The following CHKA variants were observed in gnomAD, a reference collection of about 807,000 sequenced individuals.
CHKA encodes CHETK-alpha.
In CHKA, 34 loss-of-function variants were observed where a neutral mutation model predicts 60.1. The observed-to-expected ratio is 0.57, with a 90% confidence interval of 0.43 to 0.75. The LOEUF (loss-of-function observed/expected upper bound fraction) is 0.75, where lower values mean the gene tolerates loss of function less well. Ranked by LOEUF, CHKA falls within the 30% of genes least tolerant of loss-of-function variation. CHKA has a pLI of 0.00. For synonymous variants in CHKA, 217 were observed against 223.1 expected (o/e 0.97, Z 0.24); for missense variants, 563 against 561.3 (o/e 1.00, Z -0.03).
At chr11:68,110,791 A>G (rs1858103422) in intron 1 of CHKA, among the ~76,000 whole-genome samples, 1 of 152,022 alleles carries the variant, frequency 6.6e-6, no homozygotes, top group Non-Finnish European at 1.5e-5. Flanking sequence ...TATGGTCAGG[A>G]GTTCCGAGAC....
chr11:68,111,731 A>ACAACAAACCATTTGTTGTTT (rs554867562), intron 1 of CHKA, among the ~76,000 whole-genome samples: 105 of 152,234 alleles, frequency 6.9e-4, no homozygotes, highest in Non-Finnish European at 1.2e-3. Flanking sequence ...AATGTCTTTT[A>ACAACAAACCATTTGTTGTTT]CAACAAACCA....
chr11:68,110,276 A>C (rs533661049), intron 1 of CHKA, among the ~76,000 whole-genome samples: 1 of 152,220 alleles, frequency 6.6e-6, no homozygotes, highest in Non-Finnish European at 1.5e-5. Context: ...ACTAATAAGA[A>C]AAGGAAATTA....
chr11:68,072,737 A>G (rs946748969), intron 4 of CHKA, among the ~76,000 whole-genome samples: 1 of 152,016 alleles, frequency 6.6e-6, no homozygotes, highest in Non-Finnish European at 1.5e-5. Flanking sequence ...CACACCTGTA[A>G]TCCTGGTGAC....
At chr11:68,078,639 A>G (rs1197916458) in intron 3 of CHKA, among the ~76,000 whole-genome samples, 1 of 152,220 alleles carries the variant, frequency 6.6e-6, no homozygotes, top group Non-Finnish European at 1.5e-5. Context: ...ACTTCTTGAG[A>G]AGACATAACA....
intron 3 of CHKA, among the ~76,000 whole-genome samples, chr11:68,075,911 T>C (rs1856771339): frequency 6.6e-6 from 1 of 152,224 alleles, no homozygotes; most frequent in South Asian, 2.1e-4. Context: ...TGAAGCAATG[T>C]GCTGTGGAGG....
chr11:68,100,527 T>C (rs569570688), intron 1 of CHKA, among the ~76,000 whole-genome samples: 13 of 151,672 alleles, frequency 8.6e-5, no homozygotes, highest in African/African-American at 1.7e-4. Flanking sequence ...GAGGCAGAGA[T>C]TGCAGTGAGC....
intron 2 of CHKA, among the ~76,000 whole-genome samples, chr11:68,083,805 GC>G: frequency 6.6e-6 from 1 of 152,232 alleles, no homozygotes; most frequent in South Asian, 2.1e-4. Flanking sequence ...GCAATATCCA[GC>G]CCTCTGTTCT....
rs756627931 is a variant in CHKA, at chr11:68,070,767, GC to G, written c.720del (p.Met240IlefsTer18). 1.2e-6 allele frequency: 2 copies of G among 1,612,742 alleles called. No individual in the cohort carries two copies. The highest frequency in any genetic ancestry group is 1.7e-6 in the Non-Finnish European group (2 of 1,179,056). ...EKMATFHGMK[M>X]PFNKEPKWLF... Reference sequence around the variant, plus strand: ...AGCCATTTTGGTTCCTTATTGAATGGCATTTTCATACCATGAAATGTAGCCA... The same window carrying G: ...AGCCATTTTGGTTCCTTATTGAATGGATTTTCATACCATGAAATGTAGCCA... On this transcript the variant is annotated frameshift_variant, in exon 5 of 12. Coordinates refer to ENST00000265689, the MANE Select transcript of CHKA (RefSeq NM_001277.3). LOFTEE classifies it high-confidence loss of function.
intron 2 of CHKA, among the ~76,000 whole-genome samples, chr11:68,086,969 G>C (rs529665179): frequency 2.2e-4 from 31 of 143,418 alleles, no homozygotes; most frequent in Admixed American, 5.0e-4. Flanking sequence ...CTGGGCGACA[G>C]AGCGAGACTC....
At chr11:68,083,443 C>T (rs190055857) in intron 2 of CHKA, among the ~76,000 whole-genome samples, 164 of 152,252 alleles carry the variant, frequency 1.1e-3, no homozygotes, top group African/African-American at 3.8e-3. Context: ...AAGTTAGATA[C>T]TCTTCTGAAA....
intron 3 of CHKA, among the ~76,000 whole-genome samples, chr11:68,078,925 T>A (rs966373881): frequency 1.2e-4 from 18 of 152,022 alleles, no homozygotes; most frequent in African/African-American, 4.1e-4. Context: ...AGTTATTATT[T>A]TTTTTTTGGA....
At chr11:68,113,948 G>A (rs575971364) in intron 1 of CHKA, among the ~76,000 whole-genome samples, 3 of 150,530 alleles carry the variant, frequency 2.0e-5, no homozygotes, top group African/African-American at 7.3e-5. Flanking sequence ...CCGAGATCGC[G>A]CCATTGCACT....
intron 1 of CHKA, among the ~76,000 whole-genome samples, chr11:68,118,257 C>T (rs1858468695): frequency 6.6e-6 from 1 of 152,086 alleles, no homozygotes; most frequent in Non-Finnish European, 1.5e-5. Context: ...GCCTGGGCAA[C>T]ATGGCGAAAC....
chr11:68,118,392 G>A (rs1376086320), intron 1 of CHKA, among the ~76,000 whole-genome samples: 1 of 152,008 alleles, frequency 6.6e-6, no homozygotes, highest in African/African-American at 2.4e-5. Flanking sequence ...AGTGAGCTGT[G>A]ATCACACCAC....
chr11:68,098,371 T>C (rs951975876), intron 1 of CHKA, among the ~76,000 whole-genome samples: 1 of 152,042 alleles, frequency 6.6e-6, no homozygotes, highest in African/African-American at 2.4e-5. Context: ...CTACTCTCTA[T>C]AAACCTCTAT....
At chr11:68,104,844 C>A (rs1857854956) in intron 1 of CHKA, among the ~76,000 whole-genome samples, 1 of 152,088 alleles carries the variant, frequency 6.6e-6, no homozygotes, top group Admixed American at 6.5e-5. Context: ...GTGGCTCACG[C>A]CTGGAATCCC....
At chr11:68,083,439 G>T (rs557555467) in intron 2 of CHKA, among the ~76,000 whole-genome samples, 5 of 152,234 alleles carry the variant, frequency 3.3e-5, no homozygotes, top group African/African-American at 9.6e-5. Context: ...AAATAAGTTA[G>T]ATACTCTTCT....
At chr11:68,058,895 G>A (rs1433178054) in intron 11 of CHKA, among the ~76,000 whole-genome samples, 1 of 152,108 alleles carries the variant, frequency 6.6e-6, no homozygotes, top group Non-Finnish European at 1.5e-5. Flanking sequence ...TTGGCTGTGG[G>A]TTTTCCTTTT....
chr11:68,062,267 A>G (rs143942851), intron 10 of CHKA, among the ~76,000 whole-genome samples: 3 of 152,376 alleles, frequency 2.0e-5, no homozygotes, highest in Admixed American at 1.3e-4. Context: ...GAACACACAC[A>G]GCTGGCCTGG....
Sources: allele counts gnomAD v4.1 joint callset (sites outside exome capture counted in the v4.1 genomes callset), GRCh38; gene constraint gnomAD v4.1.1; transcripts MANE v1.5; gene names NCBI Gene and HGNC (gene_info 2026-07-23, HGNC 2026-07-21).